GALNT3: variants seen among roughly 807,000 people sequenced by gnomAD.
The protein encoded by GALNT3 is GalNAc transferase 3.
Under a neutral mutation model 69.8 loss-of-function variants are expected in GALNT3, and 51 were observed. The observed-to-expected ratio is 0.73, with a 90% CI of 0.58 to 0.92. The LOEUF (loss-of-function observed/expected upper bound fraction) is 0.92. Among genes scored for constraint, GALNT3 ranks in the 40% least tolerant of loss-of-function variants. The pLI, the probability that GALNT3 is intolerant of heterozygous loss-of-function variation, is 0.00. For synonymous variants in GALNT3, 265 were observed against 248.5 expected, an observed-to-expected ratio of 1.07 and a Z score of -0.63; for missense variants, 711 against 760.0, an observed-to-expected ratio of 0.94 and a Z score of 0.76.
At chr2:165,783,387 T>C (rs530045040) in intron 1 of GALNT3, among the ~76,000 whole-genome samples, 1 of 152,264 alleles carries the variant, frequency 6.6e-6, no homozygotes, top group East Asian at 1.9e-4. Context: ...CATTCTTCCT[T>C]TGAGGCCCCA....
At position 165,749,995 on chromosome 2, in the gene GALNT3, T is replaced by C. The variant is rs888173408; in HGVS notation, c.1627-101A>G. On this transcript the variant is annotated intron_variant, in intron 9 of 10. Coordinates refer to ENST00000392701, the MANE Select transcript of GALNT3 (RefSeq NM_004482.4). ...ACTCGTTAAATAATAAAGTCATTTC[T>C]ATTTCAACAAAATAATACAATAAAA... 8 of 1,053,880 alleles carry C rather than the reference T, an allele frequency of 7.6e-6. No homozygotes were observed. In the African/African-American group the frequency reaches 1.1e-4, roughly 15 times the overall value. The allele number at this position is 1,053,880 out of a possible 1,614,324, so 65.3% of individuals were successfully genotyped here.
At chr2:165,767,929 A>G (rs1425739638) in intron 2 of GALNT3, among the ~76,000 whole-genome samples, 1 of 138,946 alleles carries the variant, frequency 7.2e-6, no homozygotes, top group Non-Finnish European at 1.5e-5. Context: ...GCTGGAGTGC[A>G]ATGGTGCAAT....
In GALNT3 at chr2:165,775,249, C is replaced by T. The variant is rs558691594; in HGVS notation, c.-108-4441G>A. ...AAGAACTGATATCCTAAATAAAAGG[C>T]GATAAGAAAAAAAACTGAGGAAAAA... On this transcript the variant is annotated intron_variant, in intron 1 of 10. Transcript: ENST00000392701. Among the ~76,000 whole-genome samples, 8 of 151,350 alleles carry T rather than the reference C, an allele frequency of 5.3e-5. No homozygotes were observed. The East Asian group carries it at 5.8e-4, about 11-fold the overall frequency.
At chr2:165,780,041 G>C (rs1031948852) in intron 1 of GALNT3, among the ~76,000 whole-genome samples, 1 of 152,100 alleles carries the variant, frequency 6.6e-6, no homozygotes, top group Non-Finnish European at 1.5e-5. Flanking sequence ...ATCCCCGCAG[G>C]GGCTCAATGC....
In GALNT3 at chr2:165,748,410, C is replaced by T. The variant is rs995869830; in HGVS notation, c.*371G>A. The T allele has an allele frequency of 4.7e-5, 13 of 274,296 alleles. No homozygotes were observed. Among genetic ancestry groups the T allele is most frequent in the Non-Finnish European group, 8.4e-5 (12 of 143,606 alleles). 17.0% of individuals were successfully genotyped at this position (274,296 alleles called of 1,614,324 possible). A position where few individuals can be genotyped will look rare whatever the true frequency, so the allele number is the denominator to read the frequency against. On this transcript the variant is annotated 3_prime_UTR_variant, in exon 11 of 11. Transcript: ENST00000392701. ...TACAGTAACAAATCTTTCTTCCTAT[C>T]CCCCCAAAAAACTAGGGGAAATATT...
chr2:165,762,967 TC>T (rs1297641150), intron 3 of GALNT3, among the ~76,000 whole-genome samples: 15 of 35,540 alleles, frequency 4.2e-4, no homozygotes, highest in East Asian at 1.0e-3. Flanking sequence ...TCTTTTCTTT[TC>T]TTTTTTTTTT....
intron 1 of GALNT3, among the ~76,000 whole-genome samples, chr2:165,791,482 A>C (rs1224809188): frequency 1.3e-5 from 2 of 152,202 alleles, no homozygotes; most frequent in East Asian, 3.8e-4. Flanking sequence ...GCACTGTTTT[A>C]TATTAATAAA....
At chr2:165,770,846 C>T (rs1322863939) in intron 1 of GALNT3, 38 bp from the exon 2 acceptor site, 1 of 799,800 alleles carries the variant, frequency 1.3e-6, no homozygotes, top group Non-Finnish European at 1.9e-6. Flanking sequence ...AGTAGCTATT[C>T]AGTCCTACAG....
chr2:165,767,278 A>G (rs796104062), intron 2 of GALNT3, among the ~76,000 whole-genome samples: 29 of 152,116 alleles, frequency 1.9e-4, no homozygotes, highest in African/African-American at 7.0e-4. Context: ...GAAAAAAAAA[A>G]GAGGAAACCT....
At chr2:165,757,366 CA>C (rs1688464874) in intron 6 of GALNT3, 119 bp from the exon 7 acceptor site, 1 of 918,624 alleles carries the variant, frequency 1.1e-6, no homozygotes, top group Non-Finnish European at 1.7e-6. Context: ...TACAATATTA[CA>C]AATAGTCTCT....
intron 1 of GALNT3, among the ~76,000 whole-genome samples, chr2:165,786,655 G>A (rs1289160338): frequency 6.6e-6 from 1 of 151,902 alleles, no homozygotes; most frequent in Admixed American, 6.6e-5. Flanking sequence ...TCAATCTAAG[G>A]TTGTTTGAAT....
At chr2:165,766,173 C>A (rs1016588474) in intron 2 of GALNT3, among the ~76,000 whole-genome samples, 1 of 152,084 alleles carries the variant, frequency 6.6e-6, no homozygotes, top group African/African-American at 2.4e-5. Context: ...ATAATTTGAT[C>A]TACTATCAAA....
At chr2:165,752,125 C>T (rs544928969) in intron 9 of GALNT3, among the ~76,000 whole-genome samples, 21 of 152,270 alleles carry the variant, frequency 1.4e-4, no homozygotes, top group African/African-American at 4.8e-4. Context: ...GCCCCGACCT[C>T]ATTTCCTAGT....
intron 1 of GALNT3, among the ~76,000 whole-genome samples, chr2:165,778,032 G>A (rs1292689360): frequency 2.0e-5 from 3 of 152,264 alleles, no homozygotes; most frequent in Admixed American, 6.5e-5. Context: ...CTCCCTCATC[G>A]TCATCTCTGA....
chr2:165,758,573 A>T lies in GALNT3; in HGVS notation c.1191+174T>A, dbSNP rs1573998910. On this transcript the variant is annotated intron_variant, in intron 6 of 10. Coordinates refer to ENST00000392701, the MANE Select transcript of GALNT3 (RefSeq NM_004482.4). The stretch of plus-strand genomic sequence containing the variant: ...GTTACACTGGCGACAATGAATAAAT[A>T]TATTAAGTTACATATTAAAAGAAAA... The T allele has an allele frequency of 1.5e-5, 8 of 537,394 alleles. No homozygotes were observed. In the East Asian group the frequency reaches 2.2e-4, roughly 15 times the overall value. The allele number at this position is 537,394 out of a possible 1,614,324, so 33.3% of individuals were successfully genotyped here.
chr2:165,769,583 G>C (rs980359359), intron 2 of GALNT3, among the ~76,000 whole-genome samples: 3 of 151,640 alleles, frequency 2.0e-5, no homozygotes, highest in African/African-American at 7.3e-5. Context: ...GTGAAACCCC[G>C]TTTCTACTAA....
chr2:165,774,744 T>C (rs1385160645), intron 1 of GALNT3, among the ~76,000 whole-genome samples: 1 of 152,068 alleles, frequency 6.6e-6, no homozygotes, highest in Non-Finnish European at 1.5e-5. Flanking sequence ...GAAAAATTTA[T>C]TGACTGGAAA....
At chr2:165,777,764 T>C (rs1158428424) in intron 1 of GALNT3, among the ~76,000 whole-genome samples, 2 of 152,178 alleles carry the variant, frequency 1.3e-5, no homozygotes, top group South Asian at 2.1e-4. Context: ...GGGGCAGCAG[T>C]AGACATACCT....
At chr2:165,789,950 G>A (rs1009572632) in intron 1 of GALNT3, among the ~76,000 whole-genome samples, 2 of 152,108 alleles carry the variant, frequency 1.3e-5, no homozygotes, top group African/African-American at 4.8e-5. Flanking sequence ...GTTTTGCTTT[G>A]TTTTCAGAGG....
Sources: allele counts gnomAD v4.1 joint callset (sites outside exome capture counted in the v4.1 genomes callset), GRCh38; gene constraint gnomAD v4.1.1; transcripts MANE v1.5; gene names NCBI Gene and HGNC (gene_info 2026-07-23, HGNC 2026-07-21).